Variants in HAS3 observed in about 807,000 individuals in gnomAD.
HAS3 encodes HA synthase 3.
In HAS3, 27 loss-of-function variants were observed where a neutral mutation model predicts 50.3. The ratio of observed to expected loss-of-function variants is 0.54; its 90% CI spans 0.40 to 0.74. The LOEUF is 0.74. Ranked by LOEUF, HAS3 falls within the 30% of genes least tolerant of loss-of-function variation. The pLI is 0.00. For synonymous variants in HAS3, 339 were observed against 310.9 expected, an observed-to-expected ratio of 1.09 and a Z score of -0.95; for missense variants, 517 against 742.8, an observed-to-expected ratio of 0.70 and a Z score of 3.53.
At chr16:69,112,762 T>C (rs1281235073) in intron 2 of HAS3, among the ~76,000 whole-genome samples, 1 of 152,206 alleles carries the variant, frequency 6.6e-6, no homozygotes, top group Admixed American at 6.5e-5. Context: ...AATCAGGCCA[T>C]AAGCCTCCCA....
At chr16:69,083,699 A>C in the HAS3 span, 1 of 1,540,114 alleles carries the variant, frequency 6.5e-7, no homozygotes, top group African/African-American at 1.4e-5. Flanking sequence ...AGGCAGGGCC[A>C]GGCACCCAGA....
chr16:69,093,523 CT>C, the HAS3 span, among the ~76,000 whole-genome samples: 11,663 of 87,582 alleles, frequency 0.13, 327 homozygotes, highest in African/African-American at 0.16. Flanking sequence ...TACAGTGTAT[CT>C]TTTTTTTTTT....
chr16:69,110,150 ACTTAAGAAGG>A, intron 2 of HAS3, 119 bp downstream of exon 2: 3 of 1,034,038 alleles, frequency 2.9e-6, no homozygotes, highest in Non-Finnish European at 4.1e-6. Flanking sequence ...ACACCTGTGC[ACTTAAGAAGG>A]CAACAAGGTG....
chr16:69,099,052 G>A, the HAS3 span, among the ~76,000 whole-genome samples: 1 of 143,238 alleles, frequency 7.0e-6, no homozygotes, highest in African/African-American at 2.6e-5. Context: ...CTCACTGCAA[G>A]CTCCGCCTCC....
upstream of HAS3, among the ~76,000 whole-genome samples, chr16:69,103,826 C>T (rs61633680): frequency 7.2e-3 from 1,089 of 152,286 alleles, 9 homozygotes; most frequent in African/African-American, 0.023. Context: ...ACTTGCTGAG[C>T]GCTTACCCTC....
rs1961217160 is a variant in HAS3 at position 69,117,100 on chromosome 16, G to T, written c.*1834G>T. 1.0e-6 allele frequency: 1 copy of T among 985,664 alleles called. No homozygotes were observed. Among genetic ancestry groups the T allele is most frequent in the African/African-American group, 1.7e-5 (1 of 57,238 alleles). The allele number at this position is 985,664 out of a possible 1,614,324, so 61.1% of individuals were successfully genotyped here. A position where few individuals can be genotyped will look rare whatever the true frequency, so the allele number is the denominator to read the frequency against. Reference sequence around the variant, plus strand: ...CATCAGACCCAACCCATGAAGGCTGGAAGGCAGCAGGCATTTGCTAAGGCA... The same window carrying T: ...CATCAGACCCAACCCATGAAGGCTGTAAGGCAGCAGGCATTTGCTAAGGCA... On this transcript the variant is annotated 3_prime_UTR_variant, in exon 4 of 4. Transcript: ENST00000569188.
upstream of HAS3, among the ~76,000 whole-genome samples, chr16:69,104,547 C>T (rs565840219): frequency 5.3e-5 from 8 of 152,302 alleles, no homozygotes; most frequent in South Asian, 2.1e-4. Flanking sequence ...CCGCCCACCT[C>T]GGCCTCCCAG....
Position 69,107,746 on chromosome 16 carries a change from G to C in HAS3, c.1-1650G>C. On this transcript the variant is annotated intron_variant, in intron 1 of 3. Transcript: ENST00000569188. This position sits in a 1 kb window ranked among gnomAD's most constrained non-coding sequence, Gnocchi z 5.5. ...GCTCCTAGGCTGCGGATGCAGGCCT[G>C]GGGACTCCTGGGCCGCAGGCGCGAG... 5.2e-6 allele frequency: 5 copies of C among 960,354 alleles called. No individual in the cohort carries two copies. Among genetic ancestry groups the C allele is most frequent in the Non-Finnish European group, 6.2e-6 (5 of 806,924 alleles). The allele number at this position is 960,354 out of a possible 1,614,324, so 59.5% of individuals were successfully genotyped here.
Position 69,117,255 on chromosome 16 carries a change from G to C in HAS3, c.*1989G>C, listed in dbSNP as rs572586925. 1 of 985,868 alleles carries C rather than the reference G, an allele frequency of 1.0e-6. No homozygotes were observed. The highest frequency in any genetic ancestry group is 1.7e-5 in the African/African-American group (1 of 57,362). 61.1% of individuals were successfully genotyped at this position (985,868 alleles called of 1,614,324 possible). On this transcript the variant is annotated 3_prime_UTR_variant, in exon 4 of 4. Coordinates refer to ENST00000569188, the MANE Select transcript of HAS3 (RefSeq NM_001199280.2). ...GCTTGTTTTTCTTCAGCATTTACTTGAAGATTAATGTAGGATGACAGGCTC... is the reference window on the plus strand; with the variant it reads ...GCTTGTTTTTCTTCAGCATTTACTTCAAGATTAATGTAGGATGACAGGCTC...
chr16:69,112,925 A>G (rs1287572526), intron 2 of HAS3, among the ~76,000 whole-genome samples: 3 of 152,200 alleles, frequency 2.0e-5, no homozygotes, highest in Non-Finnish European at 4.4e-5. Flanking sequence ...CGCAGAGGCC[A>G]GCAGCCTTAT....
the HAS3 span, among the ~76,000 whole-genome samples, chr16:69,100,145 C>T: frequency 6.6e-6 from 1 of 152,152 alleles, no homozygotes; most frequent in Non-Finnish European, 1.5e-5. Context: ...CCTGCTTCTT[C>T]AAACATAGCA....
At chr16:69,084,687 A>G in the HAS3 span, 1 of 152,366 alleles carries the variant, frequency 6.6e-6, no homozygotes, top group Non-Finnish European at 1.5e-5. Context: ...TCTGTTGTCA[A>G]CACCTTGATG....
At chr16:69,086,239 C>T in the HAS3 span, among the ~76,000 whole-genome samples, 15 of 148,028 alleles carry the variant, frequency 1.0e-4, no homozygotes, top group African/African-American at 3.7e-4. Context: ...CATAATCATA[C>T]CTCACTGCAG....
rs1047578122 is a variant in HAS3, at chr16:69,105,713, G to T, written c.-75G>T. ...GGTTTTGCTGCCTTGGCTTTCGGGAGCCCCCTAGACAGCGAACTGCCCCTT... is the reference window on the plus strand; with the variant it reads ...GGTTTTGCTGCCTTGGCTTTCGGGATCCCCCTAGACAGCGAACTGCCCCTT... On this transcript the variant is annotated 5_prime_UTR_variant, in exon 1 of 4. Transcript: ENST00000569188. 6.6e-6 allele frequency: 1 copy of T among 152,276 alleles called. No homozygotes were observed. Among genetic ancestry groups the T allele is most frequent in the African/African-American group, 2.4e-5 (1 of 41,458 alleles). The allele number at this position is 152,276 out of a possible 1,614,324, so 9.4% of individuals were successfully genotyped here.
chr16:69,090,306 C>T, the HAS3 span, among the ~76,000 whole-genome samples: 1 of 152,066 alleles, frequency 6.6e-6, no homozygotes, highest in African/African-American at 2.4e-5. Flanking sequence ...TGGTACAGCC[C>T]GCAGGTACAA....
chr16:69,105,202 C>T (rs1281828939), upstream of HAS3, among the ~76,000 whole-genome samples: 1 of 151,008 alleles, frequency 6.6e-6, no homozygotes, highest in African/African-American at 2.4e-5. Context: ...TGAGCCACGG[C>T]GCCCGGCCAC....
chr16:69,092,587 T>G, the HAS3 span, among the ~76,000 whole-genome samples: 2 of 123,554 alleles, frequency 1.6e-5, no homozygotes, highest in Admixed American at 9.4e-5. Flanking sequence ...GGTGACAGAG[T>G]GCAACTCCGT....
the HAS3 span, among the ~76,000 whole-genome samples, chr16:69,097,899 C>T: frequency 2.0e-5 from 3 of 152,114 alleles, no homozygotes; most frequent in Non-Finnish European, 1.5e-5. Context: ...TCCGCCTTTC[C>T]CTGCTACATT....
chr16:69,101,519 A>G (rs373738175), upstream of HAS3, among the ~76,000 whole-genome samples: 21 of 151,784 alleles, frequency 1.4e-4, no homozygotes, highest in South Asian at 4.4e-3. Context: ...AGGCTGGTGG[A>G]ACTTTAGTGT....
Sources: gnomAD v4.1 joint callset for allele counts (sites outside exome capture counted in the v4.1 genomes callset) on GRCh38, gnomAD v4.1.1 for gene constraint, Gnocchi (gnomAD v3.1) non-coding constraint, MANE v1.5 for transcripts, NCBI Gene and HGNC (gene_info 2026-07-23, HGNC 2026-07-21) for gene names.